GRID2: variants seen among roughly 807,000 people sequenced by gnomAD.
The protein encoded by GRID2 is glutamate ionotropic receptor delta type subunit 2, also known as glutamate receptor ionotropic, delta-2.
GRID2 carries 33 observed loss-of-function variants against 114.8 expected under a neutral mutation model. The observed-to-expected ratio is 0.29, with a 90% CI of 0.22 to 0.38. The LOEUF is 0.38. Among genes scored for constraint, GRID2 ranks in the 10% least tolerant of loss-of-function variants. The pLI is 1.00. For synonymous variants in GRID2, 505 were observed against 449.9 expected, an observed-to-expected ratio of 1.12 and a Z score of -1.55; for missense variants, 1,184 against 1,257.7, an observed-to-expected ratio of 0.94 and a Z score of 0.89.
At chr4:93,707,599 TTGTC>T (rs1728118653) in intron 14 of GRID2, among the ~76,000 whole-genome samples, 1 of 152,076 alleles carries the variant, frequency 6.6e-6, no homozygotes, top group South Asian at 2.1e-4. Context: ...TTTTCTTAGT[TTGTC>T]TGGCTAAAAG....
In GRID2 at chr4:93,094,284, T is replaced by C. The variant is rs544069835; in HGVS notation, c.529+9005T>C. Among the ~76,000 whole-genome samples the C allele has an allele frequency of 2.6e-5, 4 of 152,252 alleles. No individual in the cohort carries two copies. The East Asian group carries it at 5.8e-4, about 22-fold the overall frequency. On this transcript the variant is annotated intron_variant, in intron 3 of 15. Transcript: ENST00000282020. ...TTCTGCCTTCTCAAGGAGTGCAGTATGTTTAAAATACTACTTTTGCCTGCT... is the reference window on the plus strand; with the variant it reads ...TTCTGCCTTCTCAAGGAGTGCAGTACGTTTAAAATACTACTTTTGCCTGCT...
At chr4:93,577,768 G>T (rs912197937) in intron 13 of GRID2, among the ~76,000 whole-genome samples, 6 of 152,158 alleles carry the variant, frequency 3.9e-5, no homozygotes, top group Non-Finnish European at 8.8e-5. Flanking sequence ...GAAGTGTTCT[G>T]TGCTTTATAA....
At chr4:92,817,795 GT>G (rs1741006934) in intron 2 of GRID2, among the ~76,000 whole-genome samples, 1 of 151,682 alleles carries the variant, frequency 6.6e-6, no homozygotes, top group South Asian at 2.1e-4. Flanking sequence ...GCCTCTCAAA[GT>G]GTTGAGATTA....
chr4:92,842,985 T>C (rs1057191982), intron 2 of GRID2, among the ~76,000 whole-genome samples: 3 of 152,154 alleles, frequency 2.0e-5, no homozygotes, highest in Non-Finnish European at 4.4e-5. Context: ...ACACCGGTAA[T>C]GTAAGCACTT....
At chr4:93,351,582 A>G (rs1162580382) in intron 8 of GRID2, among the ~76,000 whole-genome samples, 1 of 152,104 alleles carries the variant, frequency 6.6e-6, no homozygotes, top group African/African-American at 2.4e-5. Context: ...ACAAATTACA[A>G]TCAGAACTTT....
intron 13 of GRID2, among the ~76,000 whole-genome samples, chr4:93,623,814 T>C (rs1337317372): frequency 1.3e-5 from 2 of 152,152 alleles, no homozygotes; most frequent in African/African-American, 2.4e-5. Context: ...TAATTATTAA[T>C]TTTTTAATTT....
intron 1 of GRID2, among the ~76,000 whole-genome samples, chr4:93,789,253 C>T (rs1292762020): frequency 6.6e-6 from 1 of 152,080 alleles, no homozygotes; most frequent in Non-Finnish European, 1.5e-5. Context: ...TTGAATTGCA[C>T]CTAAATTAGC....
intron 1 of GRID2, among the ~76,000 whole-genome samples, chr4:92,533,472 CAT>C (rs1442654058): frequency 1.2e-4 from 18 of 152,066 alleles, no homozygotes; most frequent in Non-Finnish European, 2.2e-4. Context: ...TACATACATA[CAT>C]ACATACATAC....
At chr4:92,773,382 T>A (rs954485558) in intron 2 of GRID2, among the ~76,000 whole-genome samples, 3 of 152,198 alleles carry the variant, frequency 2.0e-5, no homozygotes, top group Non-Finnish European at 4.4e-5. Flanking sequence ...TTCACTTCAT[T>A]GTATTTTACT....
At chr4:92,927,404 T>C (rs1749892295) in intron 2 of GRID2, among the ~76,000 whole-genome samples, 1 of 151,862 alleles carries the variant, frequency 6.6e-6, no homozygotes, top group Non-Finnish European at 1.5e-5. Flanking sequence ...ACAGGAATCA[T>C]AGCCAGTGTG....
intron 5 of GRID2, among the ~76,000 whole-genome samples, chr4:93,212,235 G>A (rs1481616116): frequency 6.6e-6 from 1 of 152,142 alleles, no homozygotes; most frequent in African/African-American, 2.4e-5. Context: ...ATGGGTTGCA[G>A]ACATTGATTT....
chr4:92,582,805 G>A (rs1355463801), intron 1 of GRID2, among the ~76,000 whole-genome samples: 3 of 151,728 alleles, frequency 2.0e-5, no homozygotes, highest in Middle Eastern at 3.2e-3. Flanking sequence ...GGGCAACAAC[G>A]TGAGACCCCA....
chr4:92,410,835 ATTT>A (rs5860274), intron 1 of GRID2, among the ~76,000 whole-genome samples: 7 of 117,856 alleles, frequency 5.9e-5, no homozygotes, highest in African/African-American at 9.7e-5. Context: ...CTGCAAAAGC[ATTT>A]TTTTTTTTTT....
chr4:93,256,070 A>G (rs1281225171), intron 8 of GRID2, among the ~76,000 whole-genome samples: 2 of 152,102 alleles, frequency 1.3e-5, no homozygotes, highest in African/African-American at 4.8e-5. Context: ...GAAATACAAA[A>G]TAATTTTTGG....
At chr4:92,401,614 T>C (rs1730794085) in intron 1 of GRID2, among the ~76,000 whole-genome samples, 1 of 152,226 alleles carries the variant, frequency 6.6e-6, no homozygotes, top group Admixed American at 6.5e-5. Flanking sequence ...GTCTACAATA[T>C]ACTGTAGTAT....
intron 8 of GRID2, among the ~76,000 whole-genome samples, chr4:93,376,365 T>C (rs372180794): frequency 2.6e-5 from 4 of 152,108 alleles, no homozygotes; most frequent in East Asian, 3.9e-4. Flanking sequence ...GATTTACCAA[T>C]TTGCAAATAA....
chr4:93,318,188 T>A (rs540228942), intron 8 of GRID2, among the ~76,000 whole-genome samples: 1 of 151,468 alleles, frequency 6.6e-6, no homozygotes, highest in South Asian at 2.1e-4. Context: ...ATGTGTGAAT[T>A]TTTTTAGTAA....
intron 2 of GRID2, among the ~76,000 whole-genome samples, chr4:92,778,232 A>G (rs1164864298): frequency 1.3e-5 from 2 of 151,520 alleles, no homozygotes; most frequent in African/African-American, 2.4e-5. Context: ...TACCTTCTCC[A>G]TTGTTTTTTT....
intron 4 of GRID2, among the ~76,000 whole-genome samples, chr4:93,148,674 G>A (rs990729506): frequency 6.6e-6 from 1 of 151,986 alleles, no homozygotes; most frequent in Non-Finnish European, 1.5e-5. Context: ...GTATAAATAG[G>A]CTAGTTTTAT....
Sources: allele counts gnomAD v4.1 joint callset (sites outside exome capture counted in the v4.1 genomes callset), GRCh38; gene constraint gnomAD v4.1.1; transcripts MANE v1.5; gene names NCBI Gene and HGNC (gene_info 2026-07-23, HGNC 2026-07-21).